Variants in LGALS3BP observed in about 807,000 individuals in gnomAD.
LGALS3BP encodes the protein galectin 3 binding protein.
Under a neutral mutation model 22.9 loss-of-function variants are expected in LGALS3BP, and 25 were observed. The observed-to-expected ratio is 1.09, with a 90% confidence interval of 0.80 to 1.53. The LOEUF (loss-of-function observed/expected upper bound fraction) is 1.53, where lower values mean the gene tolerates loss of function less well. Among genes scored for constraint, LGALS3BP ranks in the 40% most tolerant of loss-of-function variants. LGALS3BP has a pLI of 0.00. For missense variants in LGALS3BP, 718 were observed against 752.0 expected, an observed-to-expected ratio of 0.95 and a Z score of 0.53; for synonymous variants, 335 against 331.1, an observed-to-expected ratio of 1.01 and a Z score of -0.13.
intron 1 of LGALS3BP, among the ~76,000 whole-genome samples, chr17:78,977,634 C>T (rs931761755): frequency 3.3e-5 from 5 of 152,174 alleles, no homozygotes; most frequent in Non-Finnish European, 5.9e-5. Context: ...GTTAAGATCT[C>T]GGCCTTAAGC....
chr17:78,977,075 G>A (rs538815438), intron 2 of LGALS3BP, 65 bp downstream of exon 2: 5 of 1,553,316 alleles, frequency 3.2e-6, no homozygotes, highest in Non-Finnish European at 4.4e-6. Flanking sequence ...GAAGCTCTGA[G>A]CAGCCCCAGG....
Position 78,973,463 on chromosome 17 carries a change from C to G in LGALS3BP, c.377-241G>C, listed in dbSNP as rs138046257. 4.0e-6 allele frequency: 2 copies of G among 504,756 alleles called. No homozygotes were observed. The highest frequency in any genetic ancestry group is 1.9e-5 in the African/African-American group (1 of 52,634). 31.3% of individuals were successfully genotyped at this position (504,756 alleles called of 1,614,324 possible). On this transcript the variant is annotated intron_variant, in intron 4 of 5. Transcript: ENST00000262776. This position sits in a 1 kb window ranked among gnomAD's most constrained non-coding sequence, Gnocchi z 5.8. ...ACCTGGCCAAGCCTGTCCAGGCCCC[C>G]GCTTTAGGCCCTCTGCTCTGTGCTG...
In LGALS3BP at chr17:78,976,626, C is replaced by T. The variant is rs1354340208; in HGVS notation, c.53-470G>A. 6.6e-6 allele frequency among the ~76,000 whole-genome samples: 1 copy of T among 152,166 alleles called. No individual in the cohort carries two copies. The highest frequency in any genetic ancestry group is 2.4e-5 in the African/African-American group (1 of 41,438). ...CAGATAATGGGATTCCCCCGCCCCA[C>T]ATGTCCTTCTGGGACTCAGTCCACC... On this transcript the variant is annotated intron_variant, in intron 2 of 5. Coordinates refer to ENST00000262776, the MANE Select transcript of LGALS3BP (RefSeq NM_005567.4). This position sits in a 1 kb window ranked among gnomAD's most constrained non-coding sequence, Gnocchi z 4.6.
At chr17:78,975,235 G>T (rs537396956) in intron 3 of LGALS3BP, among the ~76,000 whole-genome samples, 68 of 152,180 alleles carry the variant, frequency 4.5e-4, no homozygotes, top group African/African-American at 1.6e-3. Context: ...TACTGTAATT[G>T]TGTGACTATC....
chr17:78,978,727 A>G lies in LGALS3BP; in HGVS notation c.-24+1097T>C, dbSNP rs1443087704. Among the ~76,000 whole-genome samples the G allele has an allele frequency of 2.0e-5, 3 of 152,166 alleles. No homozygotes were observed. In the East Asian group the frequency reaches 5.8e-4, roughly 29 times the overall value. On this transcript the variant is annotated intron_variant, in intron 1 of 5. Coordinates refer to ENST00000262776, the MANE Select transcript of LGALS3BP (RefSeq NM_005567.4). ...CCAGCCACTTCACTCTGCTGCAGCC[A>G]CTAGGTTTGTCCGTCCTGGGAGAGT...
Position 78,977,262 on chromosome 17 carries a change from C to A in LGALS3BP, c.-23-48G>T, listed in dbSNP as rs1385889340. On this transcript the variant is annotated intron_variant, in intron 1 of 5. Transcript: ENST00000262776. ...GGTGAGGCACGGGAGCCAGATGGCC[C>A]GAGGCCCCAGGGACTGGCCTGCCCA... 3.3e-6 allele frequency: 5 copies of A among 1,515,518 alleles called. No homozygotes were observed. The Admixed American group carries it at 6.9e-5, about 21-fold the overall frequency. 93.9% of individuals were successfully genotyped at this position (1,515,518 alleles called of 1,614,324 possible).
In LGALS3BP at chr17:78,972,420, T is replaced by C. The variant is rs1201351541; in HGVS notation, c.914A>G (p.Gln305Arg). ...CAGGTCGCTCCTGGGCAGCAGCAGTTGGAGCAGGTCTGTGGGGACACTGGG... is the reference window on the plus strand; with the variant it reads ...CAGGTCGCTCCTGGGCAGCAGCAGTCGGAGCAGGTCTGTGGGGACACTGGG... ...AWPSVPTDLL[Q>R]LLLPRSDLAV... The change falls in exon 6 of 6, where the codon CAA becomes CGA. Residue 305 changes from glutamine (Q) to arginine (R), a missense_variant. By Grantham distance (43) the Gln-to-Arg change is conservative. Transcript: ENST00000262776. This position sits in a 1 kb window ranked among gnomAD's most constrained non-coding sequence, Gnocchi z 5.1. The C allele has an allele frequency of 6.2e-7, 1 of 1,613,390 alleles. No individual in the cohort carries two copies. The highest frequency in any genetic ancestry group is 2.2e-5 in the East Asian group (1 of 44,878).
rs75888938 is a variant in LGALS3BP at position 78,976,469 on chromosome 17, G to A, written c.53-313C>T. On this transcript the variant is annotated intron_variant, in intron 2 of 5. Coordinates refer to ENST00000262776, the MANE Select transcript of LGALS3BP (RefSeq NM_005567.4). The surrounding 1 kb of genome is among the most constrained non-coding windows in gnomAD (Gnocchi z 4.6). ...GGGAGTGGAGGTGGCAAGACCCTGA[G>A]GGAAGGATAGGAGGGGAACGGAGGC... 1.4e-3 allele frequency among the ~76,000 whole-genome samples: 219 copies of A among 152,336 alleles called. 3 individuals carry two copies. In the East Asian group the frequency reaches 0.032, roughly 23 times the overall value.
intron 3 of LGALS3BP, 52 bp from the exon 4 acceptor site, chr17:78,974,871 G>C: frequency 6.3e-7 from 1 of 1,598,190 alleles, no homozygotes; most frequent in Non-Finnish European, 8.6e-7. Context: ...GCACCCAGGA[G>C]TCCCACAGCG....
In LGALS3BP at chr17:78,975,033, C is replaced by G. The variant is rs997846440; in HGVS notation, c.245-214G>C. The G allele has an allele frequency of 6.2e-5, 37 of 597,956 alleles. No homozygotes were observed. In the South Asian group the frequency reaches 7.7e-4, roughly 12 times the overall value. 37.0% of individuals were successfully genotyped at this position (597,956 alleles called of 1,614,324 possible). A position where few individuals can be genotyped will look rare whatever the true frequency, so the allele number is the denominator to read the frequency against. On this transcript the variant is annotated intron_variant, in intron 3 of 5. Coordinates refer to ENST00000262776, the MANE Select transcript of LGALS3BP (RefSeq NM_005567.4). ...TAGCCTTCATGCTTATAAAGCTTAC[C>G]GGCTGCTTCAGCGACATCACATTCA...
Position 78,972,403 on chromosome 17 carries a change from T to C in LGALS3BP, c.931A>G (p.Ser311Gly). ...TDLLQLLLPRSDLAVPSELAL... is the reference protein window; with the variant it reads ...TDLLQLLLPRGDLAVPSELAL... The stretch of plus-strand genomic sequence containing the variant: ...AGCTCGCTGGGCACCGCCAGGTCGC[T>C]CCTGGGCAGCAGCAGTTGGAGCAGG... The change falls in exon 6 of 6, where the codon AGC (serine) becomes GGC (glycine). Residue 311 changes from serine to glycine, a missense_variant. By Grantham distance (56) the Ser-to-Gly change is moderately conservative. Transcript: ENST00000262776. This position sits in a 1 kb window ranked among gnomAD's most constrained non-coding sequence, Gnocchi z 5.1. 2.5e-6 allele frequency: 4 copies of C among 1,613,418 alleles called. No homozygotes were observed. The highest frequency in any genetic ancestry group is 3.4e-6 in the Non-Finnish European group (4 of 1,180,012).
chr17:78,975,958 G>T lies in LGALS3BP; in HGVS notation c.244+7C>A, dbSNP rs767250420. 1 of 1,597,608 alleles carries T rather than the reference G, an allele frequency of 6.3e-7. No individual in the cohort carries two copies. ...CAGCCTCAGTGGAAGGGGACAGCAG[G>T]CCCTACCTTGCCCGAAGGCAGCTCT... On this transcript the variant is annotated splice_region_variant and intron_variant, in intron 3 of 5. Transcript: ENST00000262776.
chr17:78,975,796 A>C (rs60991408), intron 3 of LGALS3BP, among the ~76,000 whole-genome samples, 169 bp downstream of exon 3: 135 of 82,616 alleles, frequency 1.6e-3, no homozygotes, highest in African/African-American at 0.014. Context: ...CATCTCAAAA[A>C]AAAAAAAAAA....
Position 78,972,151 on chromosome 17 carries a change from T to C in LGALS3BP, c.1183A>G (p.Lys395Glu). 5 of 1,614,040 alleles carry C rather than the reference T, an allele frequency of 3.1e-6. No homozygotes were observed. Among genetic ancestry groups the C allele is most frequent in the Non-Finnish European group, 4.2e-6 (5 of 1,179,990 alleles). ...TVPFQLLARY[K>E]GLNLTEDTYK... ...GTATCCTCGGTGAGGTTCAGGCCTTTGTACCGGGCCAGCAACTGGAAGGGC... is the reference window on the plus strand; with the variant it reads ...GTATCCTCGGTGAGGTTCAGGCCTTCGTACCGGGCCAGCAACTGGAAGGGC... The change falls in exon 6 of 6, where the codon AAA becomes GAA. Residue 395 changes from lysine (K) to glutamate (E), a missense_variant. Coordinates refer to ENST00000262776, the MANE Select transcript of LGALS3BP (RefSeq NM_005567.4). The surrounding 1 kb of genome is among the most constrained non-coding windows in gnomAD (Gnocchi z 5.1).
chr17:78,977,202 G>A lies in LGALS3BP; in HGVS notation c.-11C>T. The A allele has an allele frequency of 6.2e-7, 1 of 1,612,348 alleles. No homozygotes were observed. Among genetic ancestry groups the A allele is most frequent in the Non-Finnish European group, 8.5e-7 (1 of 1,179,810 alleles). On this transcript the variant is annotated 5_prime_UTR_variant, in exon 2 of 6. Transcript: ENST00000262776. ...CCTCGGAGGGGTCATGGCCGTGCCT[G>A]GATGCCCAGATCCTGCAGCAGACAG...
At chr17:78,978,637 T>C (rs1446752876) in intron 1 of LGALS3BP, among the ~76,000 whole-genome samples, 1 of 152,192 alleles carries the variant, frequency 6.6e-6, no homozygotes, top group Non-Finnish European at 1.5e-5. Context: ...AGTTTCCCTG[T>C]GTCCTGGGAA....
Position 78,972,256 on chromosome 17 carries a change from G to A in LGALS3BP, c.1078C>T (p.Gln360Ter). ...MMLPEELFEL[Q>*]FNLSLYWSHE... Reference sequence around the variant, plus strand: ...CTCCAGTACAGGGACAGGTTGAACTGCAGCTCAAAGAGCTCCTCAGGGAGC... The same window carrying A: ...CTCCAGTACAGGGACAGGTTGAACTACAGCTCAAAGAGCTCCTCAGGGAGC... Residue 360 changes from glutamine to a stop codon, truncating the protein, a stop_gained, in exon 6 of 6, where the codon CAG becomes TAG. Coordinates refer to ENST00000262776, the MANE Select transcript of LGALS3BP (RefSeq NM_005567.4). LOFTEE classifies it low-confidence loss of function (END_TRUNC). This position sits in a 1 kb window ranked among gnomAD's most constrained non-coding sequence, Gnocchi z 5.1. The A allele has an allele frequency of 1.2e-6, 2 of 1,613,720 alleles. No individual in the cohort carries two copies. The highest frequency in any genetic ancestry group is 1.3e-5 in the African/African-American group (1 of 75,038).
rs1422654307 is a variant in LGALS3BP, at chr17:78,972,577, G to T, written c.757C>A (p.Gln253Lys). ...CASLFAILLP[Q>K]DPSFQMPLDL... is the part of the protein sequence containing the mutation. Reference sequence around the variant, plus strand: ...AGGGGCATCTGGAACGAGGGGTCCTGGGGGAGGAGGATGGCAAAGAGGCTT... The same window carrying T: ...AGGGGCATCTGGAACGAGGGGTCCTTGGGGAGGAGGATGGCAAAGAGGCTT... Residue 253 changes from glutamine to lysine, a missense_variant, in exon 6 of 6, where the codon CAG becomes AAG. Gln to Lys is a moderately conservative substitution (Grantham distance 53, BLOSUM62 1). Coordinates refer to ENST00000262776, the MANE Select transcript of LGALS3BP (RefSeq NM_005567.4). This position sits in a 1 kb window ranked among gnomAD's most constrained non-coding sequence, Gnocchi z 5.1. 1 of 1,600,596 alleles carries T rather than the reference G, an allele frequency of 6.2e-7. No individual in the cohort carries two copies. The highest frequency in any genetic ancestry group is 8.5e-7 in the Non-Finnish European group (1 of 1,171,228).
chr17:78,972,883 G>A lies in LGALS3BP; in HGVS notation c.629+87C>T. ...ACATGTGCATGCATGAGTATGTGCA[G>A]GTGTGTGTGTGGGGGGCTGTGCTTT... is the stretch of plus-strand genomic sequence containing the variant. On this transcript the variant is annotated intron_variant, in intron 5 of 5. Coordinates refer to ENST00000262776, the MANE Select transcript of LGALS3BP (RefSeq NM_005567.4). The surrounding 1 kb of genome is among the most constrained non-coding windows in gnomAD (Gnocchi z 5.1). 6.7e-7 allele frequency: 1 copy of A among 1,499,068 alleles called. No homozygotes were observed. The allele number at this position is 1,499,068 out of a possible 1,614,324, so 92.9% of individuals were successfully genotyped here.
Sources: allele counts gnomAD v4.1 joint callset (sites outside exome capture counted in the v4.1 genomes callset), GRCh38; gene constraint gnomAD v4.1.1; non-coding constraint Gnocchi (gnomAD v3.1); transcripts MANE v1.5; gene names NCBI Gene and HGNC (gene_info 2026-07-23, HGNC 2026-07-21).